LRBA: variants seen among roughly 807,000 people sequenced by gnomAD.
The protein encoded by LRBA is lipopolysaccharide-responsive and beige-like anchor protein.
Under a neutral mutation model 330.0 loss-of-function variants are expected in LRBA, and 176 were observed. The ratio of observed to expected loss-of-function variants is 0.53; its 90% CI spans 0.47 to 0.60. The LOEUF is 0.60. Among genes scored for constraint, LRBA ranks in the 20% least tolerant of loss-of-function variants. The pLI, the probability that LRBA is intolerant of heterozygous loss-of-function variation, is 0.00. For missense variants in LRBA, 3,259 were observed against 3,444.8 expected (o/e 0.95, Z 1.35); for synonymous variants, 1,230 against 1,193.0 (o/e 1.03, Z -0.64).
At chr4:150,310,954 T>TTA (rs1423212307) in intron 51 of LRBA, 1 of 152,218 alleles carries the variant, frequency 6.6e-6, no homozygotes, top group Non-Finnish European at 1.5e-5. Context: ...GAATGACTGT[T>TTA]TATTAAAGAT....
chr4:150,457,723 T>C (rs1006828476), intron 44 of LRBA, among the ~76,000 whole-genome samples: 1 of 151,938 alleles, frequency 6.6e-6, no homozygotes, highest in Non-Finnish European at 1.5e-5. Context: ...TAAAAAAAAT[T>C]TCCTAGGTGT....
chr4:150,867,552 T>C (rs1752881324), intron 22 of LRBA, 119 bp downstream of exon 22: 2 of 670,382 alleles, frequency 3.0e-6, no homozygotes, highest in East Asian at 3.0e-5. Context: ...TTTGCTGTAC[T>C]TTCAGAAGAT....
intron 47 of LRBA, among the ~76,000 whole-genome samples, chr4:150,354,477 C>T (rs138432787): frequency 5.5e-4 from 83 of 152,024 alleles, no homozygotes; most frequent in African/African-American, 1.7e-3. Context: ...AGGCTGCATA[C>T]ATCACTTACA....
intron 47 of LRBA, among the ~76,000 whole-genome samples, chr4:150,407,405 T>C (rs1383662741): frequency 5.9e-5 from 9 of 152,090 alleles, no homozygotes; most frequent in Non-Finnish European, 1.3e-4. Context: ...ACTGATAGAA[T>C]TGAAAACAGC....
intron 9 of LRBA, among the ~76,000 whole-genome samples, chr4:150,911,790 G>A (rs1164769209): frequency 6.6e-6 from 1 of 152,114 alleles, no homozygotes; most frequent in Non-Finnish European, 1.5e-5. Flanking sequence ...TTAGATGACT[G>A]AGAGCATTCT....
At chr4:150,548,372 C>A (rs1020319409) in intron 40 of LRBA, among the ~76,000 whole-genome samples, 6 of 152,114 alleles carry the variant, frequency 3.9e-5, no homozygotes, top group Non-Finnish European at 7.4e-5. Flanking sequence ...CAGTTATTCT[C>A]TTACTGAATT....
In LRBA at chr4:150,852,229, G is replaced by T; in HGVS notation, c.3481C>A (p.Pro1161Thr). Residue 1161 changes from proline to threonine, a missense_variant, in exon 23 of 57, where the codon CCT becomes ACT. Coordinates refer to ENST00000651943, the MANE Select transcript of LRBA (RefSeq NM_001364905.1). ...GTATCAGTTTGCTTTTCAGTAACAG[G>T]TTTTCCTTCTTGAAATATTAATTTG... Reference protein sequence around the residue: ...DDKLIFQEGKPVTEKQTDTET... With the variant: ...DDKLIFQEGKTVTEKQTDTET... 2 of 1,614,034 alleles carry T rather than the reference G, an allele frequency of 1.2e-6. No homozygotes were observed. Among genetic ancestry groups the T allele is most frequent in the Non-Finnish European group, 1.7e-6 (2 of 1,179,972 alleles).
intron 28 of LRBA, among the ~76,000 whole-genome samples, chr4:150,835,829 C>T (rs921216945): frequency 6.6e-6 from 1 of 152,128 alleles, no homozygotes; most frequent in African/African-American, 2.4e-5. Flanking sequence ...CCAGAACTTC[C>T]AACACTATGT....
intron 55 of LRBA, among the ~76,000 whole-genome samples, chr4:150,280,228 G>T (rs1395640007): frequency 6.6e-6 from 1 of 152,144 alleles, no homozygotes; most frequent in Non-Finnish European, 1.5e-5. Flanking sequence ...CTGACAGGCC[G>T]CCTCCGCATC....
intron 36 of LRBA, among the ~76,000 whole-genome samples, chr4:150,732,812 C>T (rs1387307151): frequency 6.6e-6 from 1 of 151,940 alleles, no homozygotes; most frequent in South Asian, 2.1e-4. Context: ...CACACATATG[C>T]CCAAGTTCTA....
chr4:150,778,254 T>C (rs184612434), intron 34 of LRBA, among the ~76,000 whole-genome samples: 8 of 152,296 alleles, frequency 5.3e-5, no homozygotes, highest in Non-Finnish European at 8.8e-5. Context: ...GTTTCCCTTA[T>C]TTTTGTGAAC....
At chr4:150,483,194 T>C (rs1284439915) in intron 42 of LRBA, among the ~76,000 whole-genome samples, 4 of 152,062 alleles carry the variant, frequency 2.6e-5, no homozygotes, top group Non-Finnish European at 1.5e-5. Flanking sequence ...TGAGGTTCTT[T>C]TTCTTTTTGG....
At chr4:150,610,537 T>A (rs1286591253) in intron 37 of LRBA, among the ~76,000 whole-genome samples, 1 of 151,944 alleles carries the variant, frequency 6.6e-6, no homozygotes, top group East Asian at 1.9e-4. Flanking sequence ...TGCAGTGAGC[T>A]GAGATTACAC....
intron 44 of LRBA, among the ~76,000 whole-genome samples, chr4:150,441,416 T>C (rs538962438): frequency 7.9e-5 from 12 of 152,204 alleles, no homozygotes; most frequent in African/African-American, 2.2e-4. Context: ...ATAAGAAATA[T>C]CAAGCAACTT....
chr4:150,528,879 C>T (rs1763767640), intron 40 of LRBA, among the ~76,000 whole-genome samples: 1 of 152,122 alleles, frequency 6.6e-6, no homozygotes, highest in East Asian at 1.9e-4. Flanking sequence ...CCTGAGTCCT[C>T]TGTGACATTA....
chr4:150,366,860 G>A (rs966255547), intron 47 of LRBA, among the ~76,000 whole-genome samples: 1 of 152,128 alleles, frequency 6.6e-6, no homozygotes, highest in Non-Finnish European at 1.5e-5. Context: ...TCTTGTGTGG[G>A]TGTTCAGTTA....
chr4:150,799,392 C>CA (rs1208164019), intron 33 of LRBA, among the ~76,000 whole-genome samples: 1 of 152,174 alleles, frequency 6.6e-6, no homozygotes, highest in Non-Finnish European at 1.5e-5. Context: ...AAAAGGCAAG[C>CA]AATACTCCCT....
intron 44 of LRBA, among the ~76,000 whole-genome samples, chr4:150,465,704 T>C (rs1310271478): frequency 1.3e-5 from 2 of 152,156 alleles, no homozygotes; most frequent in Admixed American, 1.3e-4. Flanking sequence ...GTTGTTGAGT[T>C]TTAGGAGTCT....
intron 36 of LRBA, among the ~76,000 whole-genome samples, chr4:150,702,505 T>C (rs1175781420): frequency 1.3e-5 from 2 of 152,180 alleles, no homozygotes; most frequent in East Asian, 1.9e-4. Flanking sequence ...TTACAACCTA[T>C]GTTTTAGAAT....
Sources: allele counts gnomAD v4.1 joint callset (sites outside exome capture counted in the v4.1 genomes callset), GRCh38; gene constraint gnomAD v4.1.1; transcripts MANE v1.5; gene names NCBI Gene and HGNC (gene_info 2026-07-23, HGNC 2026-07-21).